Variants in VAV3 observed in about 807,000 individuals in gnomAD.
VAV3 encodes the protein guanine nucleotide exchange factor VAV3.
VAV3 carries 94 observed loss-of-function variants against 131.2 expected under a neutral mutation model. That is an observed-to-expected ratio of 0.72 (90% CI 0.61 to 0.85). The LOEUF is 0.85. VAV3 is among the 40% of genes least tolerant of loss of function. The pLI is 0.00. For synonymous variants in VAV3, 349 were observed against 342.0 expected, an observed-to-expected ratio of 1.02 and a Z score of -0.22; for missense variants, 939 against 1,002.7, an observed-to-expected ratio of 0.94 and a Z score of 0.86.
At chr1:107,742,937 C>T (rs1425305935) in intron 15 of VAV3, among the ~76,000 whole-genome samples, 1 of 152,136 alleles carries the variant, frequency 6.6e-6, no homozygotes, top group Non-Finnish European at 1.5e-5. Flanking sequence ...CACAAAGTAA[C>T]ATTTACAGCC....
intron 1 of VAV3, 151 bp from the exon 2 acceptor site, chr1:107,875,168 G>C (rs965686949): frequency 3.1e-6 from 2 of 650,464 alleles, no homozygotes; most frequent in Admixed American, 2.6e-5. Context: ...AGTACTGACC[G>C]AGCCTGCAGT....
chr1:107,638,089 T>C (rs974050544), intron 20 of VAV3, among the ~76,000 whole-genome samples: 2 of 152,162 alleles, frequency 1.3e-5, no homozygotes, highest in African/African-American at 2.4e-5. Flanking sequence ...TATGAGAAAC[T>C]ACAGATAATG....
At chr1:107,791,950 C>T (rs1180326834) in intron 2 of VAV3, among the ~76,000 whole-genome samples, 1 of 152,124 alleles carries the variant, frequency 6.6e-6, no homozygotes, top group Non-Finnish European at 1.5e-5. Context: ...TAAATGACAA[C>T]CTACATTTGA....
chr1:107,839,620 T>C (rs1571023942), intron 2 of VAV3, among the ~76,000 whole-genome samples: 1 of 151,838 alleles, frequency 6.6e-6, no homozygotes, highest in South Asian at 2.1e-4. Context: ...CCTAGGAAAC[T>C]AGAGAAAGAA....
chr1:107,598,801 T>TACACACACAC lies in VAV3; in HGVS notation c.2221-2470_2221-2461dup, dbSNP rs35317053. On this transcript the variant is annotated intron_variant, in intron 24 of 26. Transcript: ENST00000370056. ...GCAAAATTTTGTGAGGTCTCTGGAA[T>TACACACACAC]ACACACACACACACACACACACGTA... Among the ~76,000 whole-genome samples the TACACACACAC allele has an allele frequency of 6.6e-3, 991 of 149,728 alleles. 3 individuals carry two copies. Among genetic ancestry groups the TACACACACAC allele is most frequent in the African/African-American group, 0.012 (506 of 40,844 alleles).
intron 2 of VAV3, among the ~76,000 whole-genome samples, chr1:107,858,898 G>A (rs1669604994): frequency 6.6e-6 from 1 of 152,144 alleles, no homozygotes; most frequent in Non-Finnish European, 1.5e-5. Context: ...AGTTGTTTTA[G>A]GCAGGGATAA....
chr1:107,653,621 G>A (rs966162788), intron 19 of VAV3, among the ~76,000 whole-genome samples: 2 of 152,000 alleles, frequency 1.3e-5, no homozygotes, highest in Admixed American at 6.6e-5. Context: ...AAGTCAGATA[G>A]AACCATTTAG....
At chr1:107,631,957 T>C (rs528066940) in intron 20 of VAV3, among the ~76,000 whole-genome samples, 4 of 152,132 alleles carry the variant, frequency 2.6e-5, no homozygotes, top group African/African-American at 4.8e-5. Context: ...TGTACCTTTA[T>C]AGCAGCATGA....
At chr1:107,618,546 A>G (rs1157104348) in intron 20 of VAV3, among the ~76,000 whole-genome samples, 1 of 152,368 alleles carries the variant, frequency 6.6e-6, no homozygotes, top group Non-Finnish European at 1.5e-5. Context: ...TTTTATCATT[A>G]AACTGCAAAA....
At chr1:107,896,707 C>T (rs1357538006) in intron 1 of VAV3, among the ~76,000 whole-genome samples, 2 of 151,852 alleles carry the variant, frequency 1.3e-5, no homozygotes, top group East Asian at 3.9e-4. Flanking sequence ...AAAAGACTGG[C>T]AATTTTGTTA....
chr1:107,771,354 G>A (rs751252979), intron 5 of VAV3, among the ~76,000 whole-genome samples: 3 of 151,136 alleles, frequency 2.0e-5, no homozygotes, highest in African/African-American at 4.9e-5. Flanking sequence ...CTGGGTTCAC[G>A]CCATTCTCCT....
intron 22 of VAV3, among the ~76,000 whole-genome samples, chr1:107,608,888 C>T (rs1049332658): frequency 3.3e-5 from 5 of 152,260 alleles, no homozygotes; most frequent in Admixed American, 2.6e-4. Context: ...CATTTCTATG[C>T]ATGTATTTTA....
chr1:107,949,668 C>G (rs1454629555), intron 1 of VAV3, among the ~76,000 whole-genome samples: 1 of 152,208 alleles, frequency 6.6e-6, no homozygotes. Context: ...CCAGAGCTCT[C>G]AGTTCCTGCT....
At chr1:107,855,720 A>C (rs1669438106) in intron 2 of VAV3, among the ~76,000 whole-genome samples, 1 of 152,206 alleles carries the variant, frequency 6.6e-6, no homozygotes, top group African/African-American at 2.4e-5. Flanking sequence ...TAAATCTAAT[A>C]GTATGAGGAC....
intron 2 of VAV3, among the ~76,000 whole-genome samples, chr1:107,854,626 T>C (rs777429945): frequency 5.9e-5 from 9 of 152,210 alleles, no homozygotes; most frequent in Non-Finnish European, 1.3e-4. Context: ...AACAGTGCTC[T>C]AGATGTTGCT....
At chr1:107,707,461 G>A (rs1477866376) in intron 15 of VAV3, among the ~76,000 whole-genome samples, 1 of 152,144 alleles carries the variant, frequency 6.6e-6, no homozygotes, top group East Asian at 1.9e-4. Context: ...ACCCATATTT[G>A]GTGTTCAATC....
rs563452834 is a variant in VAV3 at position 107,674,416 on chromosome 1, A to T, written c.1777+9072T>A. 1.4e-4 allele frequency among the ~76,000 whole-genome samples: 22 copies of T among 152,322 alleles called. 1 individual carries two copies. The highest frequency in any genetic ancestry group is 5.3e-4 in the African/African-American group (22 of 41,568). On this transcript the variant is annotated intron_variant, in intron 19 of 26. Coordinates refer to ENST00000370056, the MANE Select transcript of VAV3 (RefSeq NM_006113.5). ...TTTCAGATTAACATTTTCAAAATTAACAATGCATAAAATAAAATCACCCAT... is the reference window on the plus strand; with the variant it reads ...TTTCAGATTAACATTTTCAAAATTATCAATGCATAAAATAAAATCACCCAT...
intron 1 of VAV3, among the ~76,000 whole-genome samples, chr1:107,954,534 A>ATTT (rs5776909): frequency 2.3e-5 from 3 of 130,578 alleles, no homozygotes; most frequent in African/African-American, 8.3e-5. Context: ...CCTGAGGCAA[A>ATTT]TTTTTTTTTT....
intron 2 of VAV3, among the ~76,000 whole-genome samples, chr1:107,865,551 GA>G (rs1386742730): frequency 2.0e-5 from 3 of 152,292 alleles, no homozygotes; most frequent in East Asian, 3.9e-4. Context: ...GGACTTAAGC[GA>G]GGGAGTTTAT....
Sources: gnomAD v4.1 joint callset for allele counts (sites outside exome capture counted in the v4.1 genomes callset) on GRCh38, gnomAD v4.1.1 for gene constraint, MANE v1.5 for transcripts, NCBI Gene and HGNC (gene_info 2026-07-23, HGNC 2026-07-21) for gene names.